The following CELF2 variants were observed in gnomAD, a reference collection of about 807,000 sequenced individuals.
CELF2 encodes CUGBP Elav-like family member 2.
Under a neutral mutation model 62.6 loss-of-function variants are expected in CELF2, and 8 were observed. The ratio of observed to expected loss-of-function variants is 0.13; its 90% confidence interval spans 0.07 to 0.23. The LOEUF (loss-of-function observed/expected upper bound fraction) is 0.23, where lower values mean the gene tolerates loss of function less well. CELF2 is among the 10% of genes least tolerant of loss of function. The pLI, the probability that CELF2 is intolerant of heterozygous loss-of-function variation, is 1.00. For synonymous variants in CELF2, 258 were observed against 250.0 expected (o/e 1.03, Z -0.30); for missense variants, 333 against 671.0 (o/e 0.50, Z 5.56).
the CELF2 span, among the ~76,000 whole-genome samples, chr10:10,593,996 A>G: frequency 6.6e-6 from 1 of 152,230 alleles, no homozygotes; most frequent in Non-Finnish European, 1.5e-5. Flanking sequence ...TGCATTAGCC[A>G]TCATGACTTC....
At chr10:10,514,744 C>T in the CELF2 span, among the ~76,000 whole-genome samples, 3 of 152,110 alleles carry the variant, frequency 2.0e-5, no homozygotes, top group African/African-American at 7.2e-5. Context: ...AAGGCATTGA[C>T]AACAGAGGTG....
chr10:10,670,108 G>A, the CELF2 span, among the ~76,000 whole-genome samples: 33 of 152,054 alleles, frequency 2.2e-4, no homozygotes, highest in African/African-American at 6.8e-4. Context: ...TGCCATGTTG[G>A]TCTGGCTGGT....
the CELF2 span, among the ~76,000 whole-genome samples, chr10:10,669,119 T>C: frequency 2.0e-5 from 3 of 152,308 alleles, no homozygotes; most frequent in Middle Eastern, 3.4e-3. Flanking sequence ...AGCTCAGTAG[T>C]GGTTTGGTGG....
intron 2 of CELF2, among the ~76,000 whole-genome samples, chr10:10,979,672 CAAAAAAAAAAAAA>C (rs35482385): frequency 8.7e-5 from 6 of 68,988 alleles, no homozygotes; most frequent in East Asian, 5.2e-4. Context: ...CCTTGTCTCT[CAAAAAAAAAAAAA>C]AAAAAAAAAA....
intron 2 of CELF2, among the ~76,000 whole-genome samples, chr10:10,986,551 A>T (rs2052772181): frequency 1.3e-5 from 2 of 152,266 alleles, no homozygotes; most frequent in South Asian, 4.1e-4. Flanking sequence ...AGAAATTAAA[A>T]TTTTAATCTG....
intron 1 of CELF2, among the ~76,000 whole-genome samples, chr10:10,823,583 C>A (rs2057144634): frequency 6.6e-6 from 1 of 151,134 alleles, no homozygotes. Context: ...TTCTTATGCA[C>A]AAAAAAAAAT....
chr10:10,493,171 C>G, the CELF2 span, among the ~76,000 whole-genome samples: 2 of 152,038 alleles, frequency 1.3e-5, no homozygotes, highest in African/African-American at 4.8e-5. Context: ...GTGGAATAAG[C>G]CAATTACAAA....
At chr10:11,134,170 G>T (rs1425453157) in intron 1 of CELF2, among the ~76,000 whole-genome samples, 1 of 152,232 alleles carries the variant, frequency 6.6e-6, no homozygotes, top group Non-Finnish European at 1.5e-5. Context: ...GCAAAGGCCT[G>T]TTGCAGCAAA....
chr10:10,903,848 C>T (rs1475701575), intron 1 of CELF2, among the ~76,000 whole-genome samples: 1 of 152,154 alleles, frequency 6.6e-6, no homozygotes, highest in Non-Finnish European at 1.5e-5. Flanking sequence ...ACAGGAGGCC[C>T]ACAAGCAGTC....
At chr10:10,970,743 A>T (rs1485365688) in intron 2 of CELF2, 1 of 152,196 alleles carries the variant, frequency 6.6e-6, no homozygotes. Context: ...AAAATGAGCA[A>T]CATGTAATTT....
At chr10:10,463,124 C>T in the CELF2 span, among the ~76,000 whole-genome samples, 1 of 152,112 alleles carries the variant, frequency 6.6e-6, no homozygotes, top group East Asian at 1.9e-4. Flanking sequence ...TCATTTTAAT[C>T]CCTTTCATCT....
At position 11,290,014 on chromosome 10, in the gene CELF2, G is replaced by A. The variant is rs1211427393; in HGVS notation, c.976+1462G>A. On this transcript the variant is annotated intron_variant, in intron 9 of 12. Transcript: ENST00000633077. This position sits in a 1 kb window ranked among gnomAD's most constrained non-coding sequence, Gnocchi z 4.3. The stretch of plus-strand genomic sequence containing the variant: ...TTACCCCAAAATAGCACTGAGTATT[G>A]TGAATGCATTTTGGAGCATCTTCAG... Among the ~76,000 whole-genome samples, 1 of 152,150 alleles carries A rather than the reference G, an allele frequency of 6.6e-6. No individual in the cohort carries two copies. The highest frequency in any genetic ancestry group is 1.5e-5 in the Non-Finnish European group (1 of 68,030).
At chr10:11,240,897 G>A (rs1018171436) in intron 3 of CELF2, among the ~76,000 whole-genome samples, 8 of 152,132 alleles carry the variant, frequency 5.3e-5, no homozygotes, top group South Asian at 2.1e-4. Flanking sequence ...GACAGGCGGC[G>A]TGGGGTAGAG....
chr10:10,937,121 C>CTTTTTTTT (rs373143426), intron 2 of CELF2, among the ~76,000 whole-genome samples: 7 of 90,534 alleles, frequency 7.7e-5, no homozygotes, highest in African/African-American at 2.6e-4. Flanking sequence ...TTTTTCTTTT[C>CTTTTTTTT]TTTTTTTTTT....
At chr10:10,493,881 C>T in the CELF2 span, among the ~76,000 whole-genome samples, 3 of 152,178 alleles carry the variant, frequency 2.0e-5, no homozygotes, top group African/African-American at 7.2e-5. Context: ...GTGCCCATCC[C>T]TTTGAGTCTG....
intron 1 of CELF2, among the ~76,000 whole-genome samples, chr10:10,860,023 A>G (rs966782158): frequency 2.0e-5 from 3 of 152,216 alleles, no homozygotes; most frequent in African/African-American, 7.2e-5. Flanking sequence ...ATTCACAAAT[A>G]TAATAAATCC....
the CELF2 span, among the ~76,000 whole-genome samples, chr10:10,631,233 A>G: frequency 6.6e-6 from 1 of 152,210 alleles, no homozygotes; most frequent in Non-Finnish European, 1.5e-5. Context: ...AAACAAAGCC[A>G]AACTCACGGT....
chr10:10,803,745 C>T (rs2054913119), intron 1 of CELF2, among the ~76,000 whole-genome samples: 1 of 152,172 alleles, frequency 6.6e-6, no homozygotes, highest in South Asian at 2.1e-4. Flanking sequence ...TATCTCTCTC[C>T]CCTATTAGAA....
chr10:11,015,458 A>G (rs749234053), upstream of CELF2, among the ~76,000 whole-genome samples: 1 of 152,210 alleles, frequency 6.6e-6, no homozygotes, highest in Non-Finnish European at 1.5e-5. The surrounding 1 kb of genome is among the most constrained non-coding windows in gnomAD (Gnocchi z 4.8). Flanking sequence ...TCTGGTATCT[A>G]CATCAAGTGC....
Sources: allele counts gnomAD v4.1 joint callset (sites outside exome capture counted in the v4.1 genomes callset), GRCh38; gene constraint gnomAD v4.1.1; non-coding constraint Gnocchi (gnomAD v3.1); transcripts MANE v1.5; gene names NCBI Gene and HGNC (gene_info 2026-07-23, HGNC 2026-07-21).